Variants in C12orf42 observed in about 807,000 individuals in gnomAD.
C12orf42 encodes uncharacterized protein C12orf42.
C12orf42 carries 25 observed loss-of-function variants against 21.6 expected under a neutral mutation model. The observed-to-expected ratio is 1.16, with a 90% CI of 0.84 to 1.62. The LOEUF (loss-of-function observed/expected upper bound fraction) is 1.62, where lower values mean the gene tolerates loss of function less well. C12orf42 is among the 40% of genes most tolerant of loss of function. The pLI is 0.00. For missense variants in C12orf42, 483 were observed against 459.3 expected (o/e 1.05, Z -0.47); for synonymous variants, 174 against 175.0 (o/e 0.99, Z 0.05).
At chr12:103,555,100 CTTG>C in the C12orf42 span, among the ~76,000 whole-genome samples, 1 of 152,174 alleles carries the variant, frequency 6.6e-6, no homozygotes, top group Non-Finnish European at 1.5e-5. Flanking sequence ...ACCTGGGCAA[CTTG>C]TTAAAGCACG....
chr12:103,216,111 A>G, the C12orf42 span, among the ~76,000 whole-genome samples: 1 of 152,198 alleles, frequency 6.6e-6, no homozygotes, highest in Non-Finnish European at 1.5e-5. Context: ...TCTGGCATAC[A>G]TACTGACCAA....
At chr12:103,134,462 C>T in the C12orf42 span, among the ~76,000 whole-genome samples, 23 of 151,296 alleles carry the variant, frequency 1.5e-4, no homozygotes, top group African/African-American at 2.7e-4. Flanking sequence ...ATTCATTAAA[C>T]GAAATACAAA....
the C12orf42 span, among the ~76,000 whole-genome samples, chr12:103,215,585 C>T: frequency 6.6e-6 from 1 of 152,190 alleles, no homozygotes; most frequent in Non-Finnish European, 1.5e-5. Context: ...ACAGCATCTA[C>T]AAAAGGCAGT....
At chr12:103,409,166 A>T (rs1469271157) in intron 2 of C12orf42, among the ~76,000 whole-genome samples, 2 of 152,220 alleles carry the variant, frequency 1.3e-5, no homozygotes, top group East Asian at 1.9e-4. Flanking sequence ...CAAAAGAAGC[A>T]TCTTTGTTTG....
the C12orf42 span, among the ~76,000 whole-genome samples, chr12:103,056,776 T>C: frequency 6.6e-6 from 1 of 152,150 alleles, no homozygotes; most frequent in Non-Finnish European, 1.5e-5. Context: ...ATTTATTATA[T>C]TGTGTAGCTC....
chr12:103,517,203 T>C, the C12orf42 span, among the ~76,000 whole-genome samples: 9 of 152,316 alleles, frequency 5.9e-5, no homozygotes, highest in South Asian at 1.9e-3. Flanking sequence ...TTTGGTTTTT[T>C]TGTAAACACA....
At chr12:103,148,355 G>A in the C12orf42 span, among the ~76,000 whole-genome samples, 1 of 152,140 alleles carries the variant, frequency 6.6e-6, no homozygotes, top group Non-Finnish European at 1.5e-5. Flanking sequence ...ACCAAAGTAT[G>A]TTTTGCTTTC....
chr12:103,219,662 G>T, the C12orf42 span, among the ~76,000 whole-genome samples: 2 of 152,238 alleles, frequency 1.3e-5, no homozygotes, highest in South Asian at 2.1e-4. Flanking sequence ...ATGAAAAACC[G>T]CTCATCATCC....
rs192588466 is a variant in C12orf42, at chr12:103,332,520, C to A, written c.260-26175G>T. ...AGCCACCCGAGTCTTAGTGCTGTGACCATGTTTGATTTTCTTTAATAGCAC... is the reference window on the plus strand; with the variant it reads ...AGCCACCCGAGTCTTAGTGCTGTGAACATGTTTGATTTTCTTTAATAGCAC... On this transcript the variant is annotated intron_variant, in intron 4 of 5. Coordinates refer to ENST00000548883, the MANE Select transcript of C12orf42 (RefSeq NM_198521.5). Among the ~76,000 whole-genome samples the A allele has an allele frequency of 3.3e-3, 510 of 152,302 alleles. 3 individuals are homozygous for A. Among genetic ancestry groups the A allele is most frequent in the African/African-American group, 0.012 (483 of 41,562 alleles).
rs370669467 is a variant in C12orf42, at chr12:103,317,229, A to G, written c.260-10884T>C. Among the ~76,000 whole-genome samples the G allele has an allele frequency of 5.9e-5, 9 of 152,210 alleles. No individual in the cohort carries two copies. The East Asian group carries it at 7.7e-4, about 13-fold the overall frequency. Reference sequence around the variant, plus strand: ...TCATAGCTCAGGCACTCTGCTAAGTATAAATGTGCCTTTTCCTTCTTCTGA... The same window carrying G: ...TCATAGCTCAGGCACTCTGCTAAGTGTAAATGTGCCTTTTCCTTCTTCTGA... On this transcript the variant is annotated intron_variant, in intron 4 of 5. Coordinates refer to ENST00000548883, the MANE Select transcript of C12orf42 (RefSeq NM_198521.5).
At chr12:103,165,374 A>G in the C12orf42 span, among the ~76,000 whole-genome samples, 1 of 152,210 alleles carries the variant, frequency 6.6e-6, no homozygotes, top group Non-Finnish European at 1.5e-5. Flanking sequence ...TGTTAGCTGT[A>G]ATAAAGTCTC....
intron 3 of C12orf42, among the ~76,000 whole-genome samples, chr12:103,401,287 G>A (rs1371544013): frequency 6.6e-6 from 1 of 152,118 alleles, no homozygotes; most frequent in Non-Finnish European, 1.5e-5. Context: ...CCTAGTTTCT[G>A]TATGTTGGCC....
intron 10 of C12orf42, among the ~76,000 whole-genome samples, chr12:103,242,784 A>G (rs1001876422): frequency 1.8e-4 from 27 of 152,194 alleles, no homozygotes; most frequent in Non-Finnish European, 2.9e-5. Flanking sequence ...TGGAAATTCA[A>G]ATCAATGCAA....
At chr12:103,167,731 C>CA in the C12orf42 span, among the ~76,000 whole-genome samples, 1 of 151,368 alleles carries the variant, frequency 6.6e-6, no homozygotes, top group Admixed American at 6.6e-5. Context: ...CTTAACAGCA[C>CA]AAAAAATAAA....
the C12orf42 span, among the ~76,000 whole-genome samples, chr12:103,075,297 T>G: frequency 0.016 from 2,460 of 152,288 alleles, 59 homozygotes; most frequent in African/African-American, 0.056. Context: ...ATTCCCTTTT[T>G]TTCCTCTTTT....
chr12:103,273,244 G>C (rs932347147), intron 5 of C12orf42, among the ~76,000 whole-genome samples: 4 of 152,230 alleles, frequency 2.6e-5, no homozygotes, highest in Non-Finnish European at 5.9e-5. Context: ...CCCAGGTTCA[G>C]TTCCATAAAA....
chr12:103,532,080 C>G, the C12orf42 span, among the ~76,000 whole-genome samples: 1 of 152,112 alleles, frequency 6.6e-6, no homozygotes, highest in Non-Finnish European at 1.5e-5. Context: ...AGAAACTCAC[C>G]TAACTTTTAT....
the C12orf42 span, among the ~76,000 whole-genome samples, chr12:103,206,836 C>T: frequency 1.4e-4 from 22 of 152,238 alleles, no homozygotes; most frequent in South Asian, 6.2e-4. Context: ...GGTCTTGGAA[C>T]GTTCTCTGCA....
the C12orf42 span, among the ~76,000 whole-genome samples, chr12:103,077,421 C>T: frequency 6.6e-6 from 1 of 152,188 alleles, no homozygotes; most frequent in Non-Finnish European, 1.5e-5. Flanking sequence ...CTTCTAAAGA[C>T]TTTATGCATA....
Sources: gnomAD v4.1 joint callset for allele counts (sites outside exome capture counted in the v4.1 genomes callset) on GRCh38, gnomAD v4.1.1 for gene constraint, MANE v1.5 for transcripts, NCBI Gene and HGNC (gene_info 2026-07-23, HGNC 2026-07-21) for gene names.